Variants in CFAP54 observed in about 807,000 individuals in gnomAD.
The protein encoded by CFAP54 is cilia- and flagella-associated protein 54.
In CFAP54, 290 loss-of-function variants were observed where a neutral mutation model predicts 370.4. That is an observed-to-expected ratio of 0.78 (90% CI 0.71 to 0.86). The LOEUF (loss-of-function observed/expected upper bound fraction) is 0.86. Ranked by LOEUF, CFAP54 falls within the 40% of genes least tolerant of loss-of-function variation. The probability of loss-of-function intolerance (pLI) is 0.00; values close to 1 mark genes in which losing one functional copy is unlikely to be tolerated. For synonymous variants in CFAP54, 1,206 were observed against 1,236.5 expected (o/e 0.98, Z 0.52); for missense variants, 3,399 against 3,528.7 (o/e 0.96, Z 0.93).
intron 55 of CFAP54, among the ~76,000 whole-genome samples, chr12:96,747,156 T>TG (rs1958124998): frequency 6.6e-6 from 1 of 152,226 alleles, no homozygotes; most frequent in South Asian, 2.1e-4. Context: ...CAATCAATAA[T>TG]GGTGCTTTCA....
chr12:96,711,271 A>G (rs552336143), intron 48 of CFAP54, among the ~76,000 whole-genome samples: 71 of 151,864 alleles, frequency 4.7e-4, no homozygotes, highest in African/African-American at 1.7e-3. Context: ...TTTCATTTCC[A>G]GTTCTATTAA....
chr12:96,705,092 A>G (rs1957533205), intron 47 of CFAP54, among the ~76,000 whole-genome samples: 1 of 152,174 alleles, frequency 6.6e-6, no homozygotes, highest in Non-Finnish European at 1.5e-5. Flanking sequence ...TATCTCTCCT[A>G]GAAAGTGTTA....
chr12:96,501,044 CT>C, intron 2 of CFAP54, 105 bp downstream of exon 2: 1 of 617,644 alleles, frequency 1.6e-6, no homozygotes. Context: ...TGATTTTTCT[CT>C]TAGAAAAAAA....
At chr12:96,817,745 A>G in intron 64 of CFAP54, 30 bp from the exon 65 acceptor site, 1 of 1,367,832 alleles carries the variant, frequency 7.3e-7, no homozygotes, top group Non-Finnish European at 9.6e-7. Context: ...AACTCTTCAA[A>G]TAAAATACAT....
chr12:96,687,874 G>T (rs1389932879), intron 42 of CFAP54, among the ~76,000 whole-genome samples: 1 of 152,184 alleles, frequency 6.6e-6, no homozygotes, highest in East Asian at 1.9e-4. Flanking sequence ...GGGCACCTCC[G>T]CTTCTCTGAG....
At chr12:96,851,888 A>T (rs942859788) in intron 66 of CFAP54, among the ~76,000 whole-genome samples, 1 of 152,090 alleles carries the variant, frequency 6.6e-6, no homozygotes, top group Non-Finnish European at 1.5e-5. Flanking sequence ...CTGTGAAATA[A>T]AGGAAGAATT....
At chr12:96,747,261 A>G (rs1378790820) in intron 55 of CFAP54, among the ~76,000 whole-genome samples, 1 of 152,230 alleles carries the variant, frequency 6.6e-6, no homozygotes, top group East Asian at 1.9e-4. Flanking sequence ...CTACATTGGA[A>G]CATATATAAC....
chr12:96,546,828 CA>C lies in CFAP54; in HGVS notation c.2078-1063del, dbSNP rs58288683. Among the ~76,000 whole-genome samples, 1,062 of 139,896 alleles carry C rather than the reference CA, an allele frequency of 7.6e-3. 13 individuals are homozygous for C. Among genetic ancestry groups the C allele is most frequent in the African/African-American group, 0.026 (982 of 38,358 alleles). The allele number at this position is 139,896 out of a possible 152,430, so 91.8% of individuals were successfully genotyped here. A position where few individuals can be genotyped will look rare whatever the true frequency, so the allele number is the denominator to read the frequency against. On this transcript the variant is annotated intron_variant, in intron 14 of 67. Transcript: ENST00000524981. The stretch of plus-strand genomic sequence containing the variant: ...TGGTCAACAGTGTGAGACTCCATCT[CA>C]AAAAAAAAAACAACTCTATTTCTTA...
intron 66 of CFAP54, among the ~76,000 whole-genome samples, chr12:96,830,844 A>AT (rs36009754): frequency 8.9e-4 from 131 of 146,872 alleles, no homozygotes; most frequent in African/African-American, 2.4e-3. Flanking sequence ...TACCTGGCTA[A>AT]TTTTTTTTTT....
At chr12:96,808,785 C>T (rs991369864) in intron 63 of CFAP54, among the ~76,000 whole-genome samples, 5 of 152,216 alleles carry the variant, frequency 3.3e-5, no homozygotes, top group Middle Eastern at 3.4e-3. Context: ...GTGTTTCAGA[C>T]CCTAGAACAG....
intron 60 of CFAP54, among the ~76,000 whole-genome samples, chr12:96,767,503 C>A (rs923512779): frequency 6.6e-6 from 1 of 152,186 alleles, no homozygotes; most frequent in African/African-American, 2.4e-5. Flanking sequence ...CCCTTCTTTA[C>A]TATTTTAACT....
At chr12:96,835,450 C>T (rs1285038586) in intron 66 of CFAP54, among the ~76,000 whole-genome samples, 1 of 152,166 alleles carries the variant, frequency 6.6e-6, no homozygotes, top group Non-Finnish European at 1.5e-5. Flanking sequence ...GGCAACCCAG[C>T]CCCCAGCCTT....
At chr12:96,498,375 C>A (rs953627663) in intron 1 of CFAP54, among the ~76,000 whole-genome samples, 6 of 152,248 alleles carry the variant, frequency 3.9e-5, no homozygotes. Flanking sequence ...AAACTCCTGG[C>A]CGGGCACCGT....
chr12:96,511,391 T>C (rs1955165326), intron 4 of CFAP54, among the ~76,000 whole-genome samples: 1 of 152,226 alleles, frequency 6.6e-6, no homozygotes. Flanking sequence ...CAATCTTGGC[T>C]CACTGCAATC....
At chr12:96,721,096 T>C (rs1467546011) in intron 50 of CFAP54, among the ~76,000 whole-genome samples, 2 of 152,188 alleles carry the variant, frequency 1.3e-5, no homozygotes, top group African/African-American at 2.4e-5. Context: ...TAATTTCATA[T>C]ATAGAATGAA....
chr12:96,624,015 T>C, intron 28 of CFAP54, 134 bp downstream of exon 28: 1 of 593,254 alleles, frequency 1.7e-6, no homozygotes, highest in Non-Finnish European at 2.9e-6. Context: ...TTTATATCAT[T>C]AATCCTAACA....
chr12:96,669,373 G>A (rs572410173), intron 39 of CFAP54, among the ~76,000 whole-genome samples: 2 of 152,168 alleles, frequency 1.3e-5, no homozygotes, highest in African/African-American at 2.4e-5. Context: ...TTATATTTGC[G>A]TGTTTTTGAA....
intron 63 of CFAP54, among the ~76,000 whole-genome samples, chr12:96,792,719 A>G (rs1222689228): frequency 6.6e-6 from 1 of 152,138 alleles, no homozygotes; most frequent in African/African-American, 2.4e-5. Context: ...TCCCATAGGG[A>G]AAATTTTCAG....
chr12:96,653,483 C>T (rs865883314), intron 36 of CFAP54, among the ~76,000 whole-genome samples: 1 of 152,112 alleles, frequency 6.6e-6, no homozygotes. Flanking sequence ...GAAGAAAAAT[C>T]TCCAAATATC....
Sources: allele counts gnomAD v4.1 joint callset (sites outside exome capture counted in the v4.1 genomes callset), GRCh38; gene constraint gnomAD v4.1.1; transcripts MANE v1.5; gene names NCBI Gene and HGNC (gene_info 2026-07-23, HGNC 2026-07-21).